Variants in RBFOX1 observed in about 807,000 individuals in gnomAD.
RBFOX1 encodes RNA binding protein fox-1 homolog 1.
RBFOX1 carries 8 observed loss-of-function variants against 57.7 expected under a neutral mutation model. The ratio of observed to expected loss-of-function variants is 0.14; its 90% CI spans 0.08 to 0.25. The LOEUF is 0.25. Ranked by LOEUF, RBFOX1 falls within the 10% of genes least tolerant of loss-of-function variation. The pLI is 1.00. For missense variants in RBFOX1, 611 were observed against 548.5 expected, an observed-to-expected ratio of 1.11 and a Z score of -1.14; for synonymous variants, 326 against 222.4, an observed-to-expected ratio of 1.47 and a Z score of -4.15.
chr16:5,777,351 G>T (rs78190798), intron 3 of RBFOX1, among the ~76,000 whole-genome samples: 5,148 of 152,196 alleles, frequency 0.034, 274 homozygotes, highest in African/African-American at 0.11. Context: ...TGATTCCATT[G>T]GCCCACTGGA....
At chr16:6,129,809 G>A (rs2096617220) in intron 1 of RBFOX1, among the ~76,000 whole-genome samples, 1 of 151,360 alleles carries the variant, frequency 6.6e-6, no homozygotes, top group Admixed American at 6.6e-5. Flanking sequence ...TAAAATGCAG[G>A]GGATGAATGG....
At chr16:7,683,083 T>C (rs1162780346) in intron 14 of RBFOX1, among the ~76,000 whole-genome samples, 7 of 107,830 alleles carry the variant, frequency 6.5e-5, no homozygotes, top group African/African-American at 2.4e-4. Context: ...CTCCAAAAAA[T>C]TAGGATAACT....
intron 4 of RBFOX1, among the ~76,000 whole-genome samples, chr16:7,071,559 A>G (rs1019994987): frequency 6.7e-6 from 1 of 150,216 alleles, no homozygotes; most frequent in East Asian, 2.0e-4. Flanking sequence ...TGGGGTCACA[A>G]CTGACCCCAA....
intron 4 of RBFOX1, among the ~76,000 whole-genome samples, chr16:6,008,679 C>T (rs2094941806): frequency 6.6e-6 from 1 of 152,026 alleles, no homozygotes; most frequent in Non-Finnish European, 1.5e-5. Context: ...AAAAAAGAAC[C>T]CAGAGGAAAG....
intron 4 of RBFOX1, among the ~76,000 whole-genome samples, chr16:7,283,465 G>C (rs1292784914): frequency 3.9e-5 from 6 of 152,012 alleles, no homozygotes; most frequent in Non-Finnish European, 8.8e-5. Flanking sequence ...GTGGTGGAAA[G>C]GAGTATGAAT....
At chr16:6,680,050 A>G (rs1185163218) in intron 3 of RBFOX1, among the ~76,000 whole-genome samples, 1 of 152,034 alleles carries the variant, frequency 6.6e-6, no homozygotes, top group Non-Finnish European at 1.5e-5. Context: ...CTGTTTCATA[A>G]CAGTGTGGTC....
chr16:6,198,465 A>G (rs759561947), intron 1 of RBFOX1, among the ~76,000 whole-genome samples: 2 of 152,142 alleles, frequency 1.3e-5, no homozygotes, highest in African/African-American at 4.8e-5. Context: ...TCTTTTTAAG[A>G]TGTTAAAATA....
chr16:7,391,714 A>G (rs899069741), intron 4 of RBFOX1, among the ~76,000 whole-genome samples: 1 of 152,204 alleles, frequency 6.6e-6, no homozygotes, highest in African/African-American at 2.4e-5. Flanking sequence ...TGAGGACCAA[A>G]TGTGTTTTTT....
At chr16:6,193,870 T>A (rs1163039741) in intron 1 of RBFOX1, among the ~76,000 whole-genome samples, 1 of 152,136 alleles carries the variant, frequency 6.6e-6, no homozygotes, top group Non-Finnish European at 1.5e-5. Context: ...TGCCTCATTG[T>A]TTTCTGGCTT....
At chr16:6,046,675 C>T (rs58725825) in intron 1 of RBFOX1, among the ~76,000 whole-genome samples, 7,990 of 152,196 alleles carry the variant, frequency 0.052, 695 homozygotes, top group African/African-American at 0.18. Flanking sequence ...TCTTGAAATC[C>T]ATCTTGGCTT....
At chr16:5,296,571 A>T (rs894383232) in intron 1 of RBFOX1, among the ~76,000 whole-genome samples, 175 of 146,980 alleles carry the variant, frequency 1.2e-3, no homozygotes, top group Admixed American at 3.1e-3. Context: ...AAAAAAAAAA[A>T]ATTTTTTTTT....
intron 4 of RBFOX1, among the ~76,000 whole-genome samples, chr16:7,104,906 A>G (rs1458500067): frequency 6.6e-6 from 1 of 152,052 alleles, no homozygotes; most frequent in Admixed American, 6.6e-5. Context: ...AGCCCCAACC[A>G]TATTCAGAAA....
chr16:7,600,469 T>G (rs112011999), intron 9 of RBFOX1, among the ~76,000 whole-genome samples: 1 of 152,106 alleles, frequency 6.6e-6, no homozygotes, highest in South Asian at 2.1e-4. Context: ...CCCTTTCATA[T>G]CCTTAATAAG....
At chr16:7,486,833 C>G (rs1016950167) in intron 4 of RBFOX1, among the ~76,000 whole-genome samples, 9 of 152,176 alleles carry the variant, frequency 5.9e-5, no homozygotes, top group Admixed American at 2.0e-4. Context: ...GCATCCGTCA[C>G]CTCCTGTTTT....
chr16:5,447,459 C>G (rs2068283664), intron 1 of RBFOX1, among the ~76,000 whole-genome samples: 1 of 151,558 alleles, frequency 6.6e-6, no homozygotes, highest in Non-Finnish European at 1.5e-5. Context: ...GGCATGCTTT[C>G]AGCTCACTGC....
intron 4 of RBFOX1, among the ~76,000 whole-genome samples, chr16:7,295,138 A>C (rs1247789120): frequency 6.6e-6 from 1 of 152,216 alleles, no homozygotes; most frequent in Non-Finnish European, 1.5e-5. Context: ...ATTTTAGTTG[A>C]CAAGGGTTAA....
At chr16:5,459,594 C>G (rs2068730493) in intron 1 of RBFOX1, among the ~76,000 whole-genome samples, 1 of 152,076 alleles carries the variant, frequency 6.6e-6, no homozygotes, top group Non-Finnish European at 1.5e-5. Context: ...TCACGATCCC[C>G]CAATTTTTCC....
Position 7,063,202 on chromosome 16 carries a change from G to T in RBFOX1, c.27+11104G>T, listed in dbSNP as rs894598871. Among the ~76,000 whole-genome samples, 4 of 152,020 alleles carry T rather than the reference G, an allele frequency of 2.6e-5. No homozygotes were observed. In the East Asian group the frequency reaches 5.8e-4, roughly 22 times the overall value. ...TGAATTTGTACATCTTTTTGGGTCA[G>T]TTCTCAGTCATCAAGAGCAGGTAGG... On this transcript the variant is annotated intron_variant, in intron 4 of 15. Transcript: ENST00000550418.
chr16:6,237,817 G>C (rs919118267), intron 1 of RBFOX1, among the ~76,000 whole-genome samples: 1 of 152,000 alleles, frequency 6.6e-6, no homozygotes, highest in Non-Finnish European at 1.5e-5. Flanking sequence ...CTTATGGCTG[G>C]ATGCGTTGGC....
Sources: gnomAD v4.1 joint callset for allele counts (sites outside exome capture counted in the v4.1 genomes callset) on GRCh38, gnomAD v4.1.1 for gene constraint, MANE v1.5 for transcripts, NCBI Gene and HGNC (gene_info 2026-07-23, HGNC 2026-07-21) for gene names.